The following KCNC1 variants were observed in gnomAD, a reference collection of about 807,000 sequenced individuals.
The protein encoded by KCNC1 is potassium voltage-gated channel subfamily C member 1.
In KCNC1, 8 loss-of-function variants were observed where a neutral mutation model predicts 43.4. The observed-to-expected ratio is 0.18, with a 90% CI of 0.11 to 0.33. The LOEUF (loss-of-function observed/expected upper bound fraction) is 0.33, where lower values mean the gene tolerates loss of function less well. Among genes scored for constraint, KCNC1 ranks in the 10% least tolerant of loss-of-function variants. The pLI, the probability that KCNC1 is intolerant of heterozygous loss-of-function variation, is 1.00. For synonymous variants in KCNC1, 361 were observed against 360.5 expected (o/e 1.00, Z -0.01); for missense variants, 420 against 836.0 (o/e 0.50, Z 6.14).
rs761762491 is a variant in KCNC1, at chr11:17,771,579, G to A, written c.571-86G>A. On this transcript the variant is annotated intron_variant, in intron 1 of 3. Transcript: ENST00000265969. The surrounding 1 kb of genome is among the most constrained non-coding windows in gnomAD (Gnocchi z 4.7). ...GGGCCTGGTGCTGGCATCTCCCCCC[G>A]CCTGGCCCTGGGACTGGACAGAGGC... is the stretch of plus-strand genomic sequence containing the variant. 8 of 1,183,084 alleles carry A rather than the reference G, an allele frequency of 6.8e-6. No homozygotes were observed. Among genetic ancestry groups the A allele is most frequent in the Admixed American group, 4.2e-5 (2 of 47,148 alleles). The allele number at this position is 1,183,084 out of a possible 1,614,324, so 73.3% of individuals were successfully genotyped here.
rs762623813 is a variant in KCNC1, at chr11:17,777,906, G to A, written c.1505-1550G>A. On this transcript the variant is annotated intron_variant, in intron 2 of 3. Transcript: ENST00000265969. The surrounding 1 kb of genome is among the most constrained non-coding windows in gnomAD (Gnocchi z 4.3). The stretch of plus-strand genomic sequence containing the variant: ...CCACGTGCACGCCCAGCGTGTGCAC[G>A]TGGGGAAGGATCACTTCTGCGTGTA... 5 of 932,580 alleles carry A rather than the reference G, an allele frequency of 5.4e-6. No homozygotes were observed. The highest frequency in any genetic ancestry group is 1.2e-4 in the Admixed American group (2 of 16,202). The allele number at this position is 932,580 out of a possible 1,614,324, so 57.8% of individuals were successfully genotyped here.
chr11:17,741,510 T>C (rs1054760449), intron 1 of KCNC1, among the ~76,000 whole-genome samples: 6 of 152,120 alleles, frequency 3.9e-5, no homozygotes, highest in African/African-American at 1.4e-4. Context: ...CAAGCCACCA[T>C]GGTTCCCCTC....
At chr11:17,760,761 A>T (rs1485340247) in intron 1 of KCNC1, among the ~76,000 whole-genome samples, 1 of 152,224 alleles carries the variant, frequency 6.6e-6, no homozygotes, top group Non-Finnish European at 1.5e-5. Flanking sequence ...TCCCGAGGAC[A>T]GTGAGACTGA....
chr11:17,766,714 A>G (rs1213192914), intron 1 of KCNC1, among the ~76,000 whole-genome samples: 1 of 152,152 alleles, frequency 6.6e-6, no homozygotes, highest in African/African-American at 2.4e-5. Flanking sequence ...GGGGATAGGC[A>G]CAACCTGCTC....
rs966764567 is a variant in KCNC1 at position 17,776,404 on chromosome 11, G to C, written c.1505-3052G>C. On this transcript the variant is annotated intron_variant, in intron 2 of 3. Coordinates refer to ENST00000265969, the MANE Select transcript of KCNC1 (RefSeq NM_001112741.2). The surrounding 1 kb of genome is among the most constrained non-coding windows in gnomAD (Gnocchi z 4.4). ...CCCAACCCACCCCAGCCCCGCGTGC[G>C]CCCCTCCGGTGCCCGCAGCTGGTGT... 4.1e-6 allele frequency: 4 copies of C among 985,272 alleles called. No homozygotes were observed. The South Asian group carries it at 1.9e-4, about 46-fold the overall frequency. 61.0% of individuals were successfully genotyped at this position (985,272 alleles called of 1,614,324 possible).
At chr11:17,769,748 T>TGGAA (rs1218793189) in intron 1 of KCNC1, among the ~76,000 whole-genome samples, 1 of 151,752 alleles carries the variant, frequency 6.6e-6, no homozygotes, top group Non-Finnish European at 1.5e-5. Flanking sequence ...GACAGATGGA[T>TGGAA]GGAAGGAAGG....
chr11:17,765,162 C>G (rs10766435), intron 1 of KCNC1, among the ~76,000 whole-genome samples: 104,545 of 152,052 alleles, frequency 0.69, 36,864 homozygotes, highest in East Asian at 0.98. Context: ...AGAGGGGAAG[C>G]AACTCGCCAA....
intron 1 of KCNC1, among the ~76,000 whole-genome samples, chr11:17,745,813 A>G (rs1848892648): frequency 6.6e-6 from 1 of 152,154 alleles, no homozygotes; most frequent in Admixed American, 6.5e-5. Context: ...ATACTCAGAC[A>G]TCATCAGCCC....
chr11:17,755,674 G>C (rs1277035492), intron 1 of KCNC1, among the ~76,000 whole-genome samples: 1 of 152,146 alleles, frequency 6.6e-6, no homozygotes, highest in African/African-American at 2.4e-5. Context: ...GAGATGGAGA[G>C]GCTGCAGGGG....
At chr11:17,741,431 G>A (rs945187778) in intron 1 of KCNC1, among the ~76,000 whole-genome samples, 7 of 152,020 alleles carry the variant, frequency 4.6e-5, no homozygotes, top group Admixed American at 2.6e-4. Flanking sequence ...ACTACTGTTG[G>A]TTGTATTATC....
At chr11:17,774,952 G>C (rs1346451073) in intron 2 of KCNC1, 3 of 985,350 alleles carry the variant, frequency 3.0e-6, no homozygotes, top group Non-Finnish European at 3.6e-6. Context: ...CCGCCACCAA[G>C]AGGAGTTGCG....
chr11:17,758,307 A>G (rs1590100179), intron 1 of KCNC1, among the ~76,000 whole-genome samples: 1 of 152,166 alleles, frequency 6.6e-6, no homozygotes, highest in Non-Finnish European at 1.5e-5. Flanking sequence ...CTCTCTTGCT[A>G]TTTTCATCAC....
chr11:17,767,296 A>G (rs10766436), intron 1 of KCNC1, among the ~76,000 whole-genome samples: 3,797 of 130,200 alleles, frequency 0.029, 155 homozygotes, highest in East Asian at 0.095. Flanking sequence ...AAAAAAAAAA[A>G]AAAAGAAAAG....
At position 17,735,869 on chromosome 11, in the gene KCNC1, G is replaced by T. The variant is rs1206363115; in HGVS notation, c.-134G>T. The T allele has an allele frequency of 1.4e-5, 15 of 1,041,200 alleles. No homozygotes were observed. The highest frequency in any genetic ancestry group is 1.9e-5 in the Non-Finnish European group (15 of 772,426). The allele number at this position is 1,041,200 out of a possible 1,614,324, so 64.5% of individuals were successfully genotyped here. ...CTCGCTCGTTGGGGTGGCCAGAGCC[G>T]CAGGCCTCTGTTCCCCCCGACGGCT... On this transcript the variant is annotated 5_prime_UTR_variant, in exon 1 of 4. Coordinates refer to ENST00000265969, the MANE Select transcript of KCNC1 (RefSeq NM_001112741.2). The surrounding 1 kb of genome is among the most constrained non-coding windows in gnomAD (Gnocchi z 6.7).
In KCNC1 at chr11:17,774,151, G is replaced by A. The variant is rs565455525; in HGVS notation, c.1504+1553G>A. The A allele has an allele frequency of 1.3e-4, 124 of 985,552 alleles. No homozygotes were observed. The African/African-American group carries it at 2.0e-3, about 16-fold the overall frequency. The allele number at this position is 985,552 out of a possible 1,614,324, so 61.1% of individuals were successfully genotyped here. A position where few individuals can be genotyped will look rare whatever the true frequency, so the allele number is the denominator to read the frequency against. On this transcript the variant is annotated intron_variant, in intron 2 of 3. Transcript: ENST00000265969. The stretch of plus-strand genomic sequence containing the variant: ...CCCTTCCCTTCCTGGGATTTCTGTA[G>A]GTGCCTGAGAGGAACATGGCCAGGG...
At chr11:17,755,155 G>C (rs1256278050) in intron 1 of KCNC1, among the ~76,000 whole-genome samples, 1 of 152,202 alleles carries the variant, frequency 6.6e-6, no homozygotes, top group East Asian at 1.9e-4. Context: ...GGAACAGCCA[G>C]TGCAAGAGCA....
intron 1 of KCNC1, among the ~76,000 whole-genome samples, chr11:17,761,003 C>T (rs1590101251): frequency 6.6e-6 from 1 of 152,220 alleles, no homozygotes; most frequent in African/African-American, 2.4e-5. Context: ...ACTCATCGTG[C>T]GACCTTGGGT....
chr11:17,759,597 A>G (rs1413778129), intron 1 of KCNC1, among the ~76,000 whole-genome samples: 1 of 152,166 alleles, frequency 6.6e-6, no homozygotes, highest in Non-Finnish European at 1.5e-5. Context: ...GACCACCTAG[A>G]GACCATTGTA....
chr11:17,753,837 C>T (rs1453782931), intron 1 of KCNC1, among the ~76,000 whole-genome samples: 1 of 152,188 alleles, frequency 6.6e-6, no homozygotes, highest in Non-Finnish European at 1.5e-5. Flanking sequence ...TTCCGATGCC[C>T]AGATTCCAGA....
Sources: gnomAD v4.1 joint callset for allele counts (sites outside exome capture counted in the v4.1 genomes callset) on GRCh38, gnomAD v4.1.1 for gene constraint, Gnocchi (gnomAD v3.1) non-coding constraint, MANE v1.5 for transcripts, NCBI Gene and HGNC (gene_info 2026-07-23, HGNC 2026-07-21) for gene names.